Variants in SH3TC2 observed in about 807,000 individuals in gnomAD.
SH3TC2 encodes SH3 domain and tetratricopeptide repeat-containing protein 2.
A neutral mutation model predicts 124.5 loss-of-function variants in SH3TC2; 87 were observed. That is an observed-to-expected ratio of 0.70 (90% CI 0.59 to 0.84). The LOEUF is 0.84. Among genes scored for constraint, SH3TC2 ranks in the 40% least tolerant of loss-of-function variants. SH3TC2 has a pLI of 0.00. For missense variants in SH3TC2, 1,536 were observed against 1,566.4 expected, an observed-to-expected ratio of 0.98 and a Z score of 0.33; for synonymous variants, 634 against 628.5, an observed-to-expected ratio of 1.01 and a Z score of -0.13.
chr5:149,016,444 C>T (rs1365616215), intron 12 of SH3TC2, among the ~76,000 whole-genome samples: 1 of 152,104 alleles, frequency 6.6e-6, no homozygotes, highest in Non-Finnish European at 1.5e-5. Context: ...ATGTGTGAAA[C>T]TGGGGTGGTA....
rs1753421619 is a variant in SH3TC2 at position 148,991,664 on chromosome 5, G to A, written c.*13047C>T. On this transcript the variant is annotated 3_prime_UTR_variant, in exon 17 of 17. Coordinates refer to ENST00000515425, the MANE Select transcript of SH3TC2 (RefSeq NM_024577.4). ...TGGGAGGGGTGGCCAGTCAGCTGGG[G>A]TCACAAAAGCCTTGTAATTAGAATC... Among the ~76,000 whole-genome samples the A allele has an allele frequency of 6.6e-6, 1 of 152,192 alleles. No individual in the cohort carries two copies. The highest frequency in any genetic ancestry group is 1.5e-5 in the Non-Finnish European group (1 of 68,026).
In SH3TC2 at chr5:149,052,195, A is replaced by G. The variant is rs764369520; in HGVS notation, c.98T>C (p.Ile33Thr). 1.9e-6 allele frequency: 3 copies of G among 1,613,742 alleles called. No homozygotes were observed. The highest frequency in any genetic ancestry group is 1.7e-6 in the Non-Finnish European group (2 of 1,179,658). ...SKDPTVSSEC[I>T]ASSEYKEKCF... ...TTTTTCCTTGTATTCAGATGAGGCT[A>G]TACACTCACTCGATACAGTTGGATC... Residue 33 changes from isoleucine to threonine, a missense_variant, in exon 2 of 17, where the codon ATA becomes ACA. Transcript: ENST00000515425.
At chr5:149,048,576 T>C (rs1754506197) in intron 2 of SH3TC2, among the ~76,000 whole-genome samples, 1 of 152,204 alleles carries the variant, frequency 6.6e-6, no homozygotes, top group South Asian at 2.1e-4. Context: ...TTCTCCAAAA[T>C]GTACATTCAT....
At chr5:149,043,102 A>G (rs1022675796) in intron 4 of SH3TC2, among the ~76,000 whole-genome samples, 4 of 152,236 alleles carry the variant, frequency 2.6e-5, no homozygotes, top group African/African-American at 9.6e-5. Flanking sequence ...ATAAATGCAT[A>G]ATGAGATGAC....
In SH3TC2 at chr5:149,007,502, T is replaced by C. The variant is rs139524205; in HGVS notation, c.3479-425A>G. On this transcript the variant is annotated intron_variant, in intron 15 of 16. Transcript: ENST00000515425. ...TCTAGCTTGATGGAGTAGCTAAGAA[T>C]TGCAATAAATCACTCTGTATAATAA... The C allele has an allele frequency of 1.0e-3, 357 of 352,742 alleles. 2 individuals carry two copies. The highest frequency in any genetic ancestry group is 7.1e-3 in the African/African-American group (345 of 48,644). 21.9% of individuals were successfully genotyped at this position (352,742 alleles called of 1,614,324 possible). A position where few individuals can be genotyped will look rare whatever the true frequency, so the allele number is the denominator to read the frequency against.
intron 12 of SH3TC2, among the ~76,000 whole-genome samples, chr5:149,021,761 G>A (rs987114374): frequency 1.3e-4 from 20 of 151,804 alleles, no homozygotes; most frequent in Admixed American, 8.5e-4. Context: ...TATTGAATTA[G>A]CAATTTTCAA....
rs930165203 is a variant in SH3TC2 at position 148,992,600 on chromosome 5, G to T, written c.*12111C>A. On this transcript the variant is annotated 3_prime_UTR_variant, in exon 17 of 17. Coordinates refer to ENST00000515425, the MANE Select transcript of SH3TC2 (RefSeq NM_024577.4). ...ATAATTCCAAGAAGAGATTTCATTG[G>T]TTTTTTTTTTTTTTTTTTTTTTCAG... is the stretch of plus-strand genomic sequence containing the variant. Among the ~76,000 whole-genome samples, 84 of 102,520 alleles carry T rather than the reference G, an allele frequency of 8.2e-4. 1 individual carries two copies. Among genetic ancestry groups the T allele is most frequent in the African/African-American group, 2.4e-3 (67 of 27,514 alleles). 67.3% of individuals were successfully genotyped at this position (102,520 alleles called of 152,430 possible).
rs941404325 is a variant in SH3TC2 at position 148,999,844 on chromosome 5, A to G, written c.*4867T>C. Among the ~76,000 whole-genome samples, 1 of 151,786 alleles carries G rather than the reference A, an allele frequency of 6.6e-6. No individual in the cohort carries two copies. The highest frequency in any genetic ancestry group is 1.5e-5 in the Non-Finnish European group (1 of 67,960). Reference sequence around the variant, plus strand: ...ATAATCCTTCTATACCTTCCCCTCAACCTCCAGGTAGAATCCAAACCCTCT... The same window carrying G: ...ATAATCCTTCTATACCTTCCCCTCAGCCTCCAGGTAGAATCCAAACCCTCT... On this transcript the variant is annotated 3_prime_UTR_variant, in exon 17 of 17. Coordinates refer to ENST00000515425, the MANE Select transcript of SH3TC2 (RefSeq NM_024577.4).
In SH3TC2 at chr5:149,022,571, C is replaced by T. The variant is rs145350692; in HGVS notation, c.3053+4001G>A. ...CAAGAGAACTGAAAACACTTCTTCACACAAAAATTTGTTCATGAATGTTCA... is the reference window on the plus strand; with the variant it reads ...CAAGAGAACTGAAAACACTTCTTCATACAAAAATTTGTTCATGAATGTTCA... On this transcript the variant is annotated intron_variant, in intron 12 of 16. Coordinates refer to ENST00000515425, the MANE Select transcript of SH3TC2 (RefSeq NM_024577.4). Among the ~76,000 whole-genome samples the T allele has an allele frequency of 1.8e-4, 28 of 152,282 alleles. 1 individual carries two copies. The highest frequency in any genetic ancestry group is 1.5e-3 in the Admixed American group (23 of 15,296).
chr5:149,013,039 T>A (rs1461440087), intron 12 of SH3TC2, among the ~76,000 whole-genome samples: 1 of 152,192 alleles, frequency 6.6e-6, no homozygotes, highest in African/African-American at 2.4e-5. Context: ...ATTACGTCCT[T>A]GGCACCTGAT....
chr5:149,034,265 T>A (rs775539553), intron 8 of SH3TC2: 24 of 163,208 alleles, frequency 1.5e-4, no homozygotes, highest in Non-Finnish European at 2.9e-4. Flanking sequence ...ATAGCAGAGG[T>A]GAGAATTAGT....
intron 8 of SH3TC2, chr5:149,034,249 T>G (rs1370886587): frequency 6.4e-6 from 1 of 155,218 alleles, no homozygotes; most frequent in African/African-American, 2.4e-5. Flanking sequence ...AACAGCAAGT[T>G]TAGTCATAGC....
chr5:149,056,349 T>A (rs1754647517), intron 1 of SH3TC2, among the ~76,000 whole-genome samples: 1 of 152,192 alleles, frequency 6.6e-6, no homozygotes, highest in Non-Finnish European at 1.5e-5. Flanking sequence ...CACTTATAAG[T>A]GAGAACATGT....
chr5:149,043,139 A>G (rs998422734), intron 4 of SH3TC2, among the ~76,000 whole-genome samples: 6 of 152,220 alleles, frequency 3.9e-5, no homozygotes, highest in Admixed American at 6.5e-5. Flanking sequence ...TTTCTAATAC[A>G]GCCACGGAGG....
At position 148,996,798 on chromosome 5, in the gene SH3TC2, T is replaced by A. The variant is rs1256741947; in HGVS notation, c.*7913A>T. 6.6e-6 allele frequency among the ~76,000 whole-genome samples: 1 copy of A among 152,204 alleles called. No homozygotes were observed. The highest frequency in any genetic ancestry group is 1.5e-5 in the Non-Finnish European group (1 of 68,036). On this transcript the variant is annotated 3_prime_UTR_variant, in exon 17 of 17. Coordinates refer to ENST00000515425, the MANE Select transcript of SH3TC2 (RefSeq NM_024577.4). ...GCCCGTGCAAGGAAGATCAAGTAGC[T>A]GAGAGTCATACAGATCATGTTTAAC...
Position 149,027,880 on chromosome 5 carries a change from A to T in SH3TC2, c.1852T>A (p.Tyr618Asn). 1 of 1,613,914 alleles carries T rather than the reference A, an allele frequency of 6.2e-7. No homozygotes were observed. The highest frequency in any genetic ancestry group is 8.5e-7 in the Non-Finnish European group (1 of 1,180,016). ...SAKHELDVVAYVLRQGIVVGS... is the reference protein window; with the variant it reads ...SAKHELDVVANVLRQGIVVGS... The stretch of plus-strand genomic sequence containing the variant: ...ACCACAATCCCCTGGCGCAGCACGT[A>T]GGCCACCACGTCGAGTTCATGCTTG... Residue 618 changes from tyrosine (Y) to asparagine (N), a missense_variant, in exon 11 of 17, where the codon TAC becomes AAC. Transcript: ENST00000515425.
At chr5:149,035,439 C>T (rs183532625) in intron 8 of SH3TC2, 1 of 152,570 alleles carries the variant, frequency 6.6e-6, no homozygotes, top group Admixed American at 6.5e-5. Flanking sequence ...CTTCTCAGAC[C>T]CTGACACCCA....
intron 13 of SH3TC2, 131 bp from the exon 14 acceptor site, chr5:149,010,523 C>T: frequency 8.2e-7 from 1 of 1,218,866 alleles, no homozygotes; most frequent in South Asian, 1.4e-5. Context: ...TCCTAAATGT[C>T]TTCACACTCC....
In SH3TC2 at chr5:149,044,583, G is replaced by T; in HGVS notation, c.335C>A (p.Thr112Asn). 6.2e-7 allele frequency: 1 copy of T among 1,614,080 alleles called. No homozygotes were observed. The highest frequency in any genetic ancestry group is 8.5e-7 in the Non-Finnish European group (1 of 1,179,986). The change falls in exon 4 of 17, where the codon ACC becomes AAC. Residue 112 changes from threonine (T) to asparagine (N), a missense_variant. Around this residue, in one of 3 missense-constraint regions of SH3TC2, gnomAD observed 1,102 missense variants for 1,098.6 expected, o/e 1.00. Coordinates refer to ENST00000515425, the MANE Select transcript of SH3TC2 (RefSeq NM_024577.4). The part of the protein sequence containing the change: ...IQSQRAQFLI[T>N]FKTMEEIWKF... ...CCAGATTTCCTCCATGGTCTTGAAG[G>T]TGATGAGAAACTGGGCCCTCTGAGA...
Sources: allele counts gnomAD v4.1 joint callset (sites outside exome capture counted in the v4.1 genomes callset), GRCh38; gene constraint gnomAD v4.1.1; regional missense constraint gnomAD v4.1.1; transcripts MANE v1.5; gene names NCBI Gene and HGNC (gene_info 2026-07-23, HGNC 2026-07-21).